CDH18: variants seen among roughly 807,000 people sequenced by gnomAD.
The protein encoded by CDH18 is cadherin-18.
Under a neutral mutation model 67.9 loss-of-function variants are expected in CDH18, and 31 were observed. The ratio of observed to expected loss-of-function variants is 0.46; its 90% CI spans 0.34 to 0.62. CDH18 has a LOEUF of 0.62. Among genes scored for constraint, CDH18 ranks in the 20% least tolerant of loss-of-function variants. CDH18 has a pLI of 0.01. For synonymous variants in CDH18, 362 were observed against 347.2 expected (o/e 1.04, Z -0.48); for missense variants, 890 against 975.5 (o/e 0.91, Z 1.17).
intron 1 of CDH18, among the ~76,000 whole-genome samples, chr5:20,511,984 G>T (rs986810359): frequency 2.0e-5 from 3 of 152,108 alleles, no homozygotes; most frequent in African/African-American, 7.2e-5. Context: ...ACTTTGGGAG[G>T]CTGAGGTGGG....
At chr5:19,985,565 C>G (rs749871988) in intron 1 of CDH18, among the ~76,000 whole-genome samples, 1 of 151,838 alleles carries the variant, frequency 6.6e-6, no homozygotes, top group African/African-American at 2.4e-5. Flanking sequence ...AGGTATGCTA[C>G]TAAGGAGCCT....
chr5:19,846,000 T>G (rs1374452694), intron 2 of CDH18, among the ~76,000 whole-genome samples: 4 of 152,016 alleles, frequency 2.6e-5, no homozygotes, highest in Non-Finnish European at 5.9e-5. Flanking sequence ...CCATTTATAT[T>G]TAAAGTAATA....
intron 1 of CDH18, among the ~76,000 whole-genome samples, chr5:20,551,471 A>G (rs1757628132): frequency 6.6e-6 from 1 of 152,148 alleles, no homozygotes; most frequent in Non-Finnish European, 1.5e-5. Context: ...CTTCCCTTCC[A>G]CATTTTATGA....
intron 3 of CDH18, among the ~76,000 whole-genome samples, chr5:19,832,641 T>C (rs529680296): frequency 6.6e-6 from 1 of 152,278 alleles, no homozygotes; most frequent in East Asian, 1.9e-4. Flanking sequence ...GGTTTTCTTC[T>C]AAGATTTTTA....
At chr5:19,505,512 G>A (rs909737490) in intron 10 of CDH18, among the ~76,000 whole-genome samples, 8 of 152,094 alleles carry the variant, frequency 5.3e-5, no homozygotes, top group African/African-American at 1.7e-4. Context: ...AATTTATTGA[G>A]AGTTTTTAGC....
chr5:20,354,810 T>C (rs1174464215), intron 1 of CDH18, among the ~76,000 whole-genome samples: 1 of 152,126 alleles, frequency 6.6e-6, no homozygotes, highest in African/African-American at 2.4e-5. Flanking sequence ...CAATCAGAGA[T>C]CTGAGTTGGT....
intron 2 of CDH18, among the ~76,000 whole-genome samples, chr5:20,171,495 G>A (rs1283172311): frequency 6.6e-6 from 1 of 151,202 alleles, no homozygotes; most frequent in African/African-American, 2.4e-5. Flanking sequence ...TCATATGCTT[G>A]TTGGCCACAT....
chr5:20,571,261 C>T (rs938001360), intron 1 of CDH18, among the ~76,000 whole-genome samples: 11 of 152,008 alleles, frequency 7.2e-5, no homozygotes, highest in South Asian at 2.1e-4. Context: ...GGCCAAATTT[C>T]GCAACATACA....
intron 2 of CDH18, among the ~76,000 whole-genome samples, chr5:19,867,366 C>T (rs989633890): frequency 1.3e-5 from 2 of 151,984 alleles, no homozygotes; most frequent in African/African-American, 4.8e-5. Flanking sequence ...ATTAGATATA[C>T]AGATATAAAA....
intron 2 of CDH18, among the ~76,000 whole-genome samples, chr5:19,886,567 C>T (rs1049272586): frequency 6.6e-6 from 1 of 152,136 alleles, no homozygotes; most frequent in Admixed American, 6.6e-5. Flanking sequence ...TCCTCGCAAT[C>T]AATCTTTCTC....
At chr5:20,099,606 G>C (rs1186897822) in intron 2 of CDH18, among the ~76,000 whole-genome samples, 1 of 151,976 alleles carries the variant, frequency 6.6e-6, no homozygotes, top group African/African-American at 2.4e-5. Context: ...CAAGAAGAAT[G>C]ATGGCCTCTA....
intron 1 of CDH18, among the ~76,000 whole-genome samples, chr5:20,541,755 A>C (rs1044029036): frequency 6.6e-6 from 1 of 152,226 alleles, no homozygotes; most frequent in African/African-American, 2.4e-5. Context: ...TTTTAAAAGG[A>C]AATAAGCATT....
At chr5:19,703,941 G>A (rs1018015484) in intron 5 of CDH18, among the ~76,000 whole-genome samples, 2 of 152,126 alleles carry the variant, frequency 1.3e-5, no homozygotes, top group South Asian at 2.1e-4. Context: ...TGTAAAAGGA[G>A]TGCAAGTACA....
intron 1 of CDH18, among the ~76,000 whole-genome samples, chr5:20,413,225 G>C (rs1033576009): frequency 2.0e-5 from 3 of 152,126 alleles, no homozygotes; most frequent in African/African-American, 7.2e-5. Flanking sequence ...TGGACATTTG[G>C]GTTGGTTCCA....
intron 5 of CDH18, among the ~76,000 whole-genome samples, chr5:19,718,027 T>A (rs1296761789): frequency 6.6e-6 from 1 of 151,974 alleles, no homozygotes; most frequent in African/African-American, 2.4e-5. Context: ...ACTGATAAGA[T>A]TTCAGTGTAA....
intron 2 of CDH18, among the ~76,000 whole-genome samples, chr5:20,062,140 A>AATTTATTATTATTATT (rs1742545592): frequency 2.2e-5 from 3 of 137,930 alleles, no homozygotes; most frequent in Non-Finnish European, 4.6e-5. Flanking sequence ...TTAAGCCCAG[A>AATTTATTATTATTATT]ATTATTATTA....
At chr5:20,296,747 C>T (rs957571495) in intron 1 of CDH18, among the ~76,000 whole-genome samples, 1 of 151,524 alleles carries the variant, frequency 6.6e-6, no homozygotes, top group African/African-American at 2.4e-5. Context: ...AAATTTTATA[C>T]ACATTTTAAA....
At position 19,755,576 on chromosome 5, in the gene CDH18, A is replaced by G. The variant is rs1481045672; in HGVS notation, c.229-8340T>C. 4.8e-5 allele frequency among the ~76,000 whole-genome samples: 7 copies of G among 144,904 alleles called. No homozygotes were observed. In the South Asian group the frequency reaches 1.1e-3, roughly 22 times the overall value. On this transcript the variant is annotated intron_variant, in intron 3 of 12. Coordinates refer to ENST00000382275, the MANE Select transcript of CDH18 (RefSeq NM_004934.5). ...TATTTTATATATAATAAAATATAGG[A>G]TATATATAATATAAGATATATATAA... is the stretch of plus-strand genomic sequence containing the variant.
intron 4 of CDH18, among the ~76,000 whole-genome samples, chr5:19,745,053 TG>T (rs1688358927): frequency 6.6e-6 from 1 of 152,182 alleles, no homozygotes; most frequent in African/African-American, 2.4e-5. Flanking sequence ...GTTATTCACA[TG>T]ATAGGTCTAA....
Sources: gnomAD v4.1 joint callset for allele counts (sites outside exome capture counted in the v4.1 genomes callset) on GRCh38, gnomAD v4.1.1 for gene constraint, MANE v1.5 for transcripts, NCBI Gene and HGNC (gene_info 2026-07-23, HGNC 2026-07-21) for gene names.